The following UBE2E3 variants were observed in gnomAD, a reference collection of about 807,000 sequenced individuals.
UBE2E3 encodes the protein ubiquitin conjugating enzyme E2 E3.
A neutral mutation model predicts 23.6 loss-of-function variants in UBE2E3; 5 were observed. The observed-to-expected ratio is 0.21, with a 90% CI of 0.11 to 0.44. The LOEUF (loss-of-function observed/expected upper bound fraction) is 0.44. Ranked by LOEUF, UBE2E3 falls within the 20% of genes least tolerant of loss-of-function variation. UBE2E3 has a pLI of 0.99. For missense variants in UBE2E3, 81 were observed against 249.8 expected (o/e 0.32, Z 4.55); for synonymous variants, 78 against 87.5 (o/e 0.89, Z 0.60).
At chr2:181,059,785 C>G (rs552438200) in intron 4 of UBE2E3, among the ~76,000 whole-genome samples, 7 of 151,772 alleles carry the variant, frequency 4.6e-5, no homozygotes, top group Admixed American at 3.3e-4. Flanking sequence ...TGTTGGTCCC[C>G]TACCCCCTCC....
intron 3 of UBE2E3, among the ~76,000 whole-genome samples, chr2:180,994,300 G>C (rs1339187038): frequency 6.6e-6 from 1 of 151,956 alleles, no homozygotes; most frequent in East Asian, 1.9e-4. Flanking sequence ...AAGTAAACAG[G>C]CTGGTATGAT....
chr2:181,001,538 T>G (rs916629875), intron 3 of UBE2E3, among the ~76,000 whole-genome samples: 8 of 151,760 alleles, frequency 5.3e-5, no homozygotes, highest in African/African-American at 1.9e-4. Context: ...ACCAGATAAG[T>G]AGGTTTGCTT....
chr2:181,017,619 A>G (rs754655210), intron 3 of UBE2E3, among the ~76,000 whole-genome samples: 2 of 143,280 alleles, frequency 1.4e-5, no homozygotes, highest in African/African-American at 2.6e-5. Context: ...GGATTCATCT[A>G]TGCCTTCCTA....
intron 3 of UBE2E3, among the ~76,000 whole-genome samples, chr2:180,994,313 A>G (rs1313737912): frequency 6.6e-6 from 1 of 152,108 alleles, no homozygotes; most frequent in African/African-American, 2.4e-5. Context: ...GGTATGATGA[A>G]CCCCCATATA....
intron 3 of UBE2E3, chr2:180,987,527 AAT>A (rs1684518357): frequency 9.3e-7 from 1 of 1,071,456 alleles, no homozygotes; most frequent in Middle Eastern, 2.1e-4. Context: ...TGTATTAATA[AAT>A]AGTTTCTTGA....
intron 3 of UBE2E3, among the ~76,000 whole-genome samples, chr2:181,031,372 A>G (rs556088521): frequency 6.6e-6 from 1 of 152,218 alleles, no homozygotes; most frequent in Non-Finnish European, 1.5e-5. Flanking sequence ...TTATTTATAT[A>G]TTGCTGTATA....
chr2:181,044,687 G>A (rs1686618108), intron 3 of UBE2E3, among the ~76,000 whole-genome samples: 3 of 152,074 alleles, frequency 2.0e-5, no homozygotes, highest in Middle Eastern at 3.4e-3. Context: ...TCTTCTTAAT[G>A]CATCTTTTGT....
chr2:181,037,275 T>G (rs35224912), intron 3 of UBE2E3, among the ~76,000 whole-genome samples: 2 of 152,240 alleles, frequency 1.3e-5, no homozygotes, highest in Admixed American at 6.5e-5. Flanking sequence ...CTTTTTATTG[T>G]TATTTTAGAG....
chr2:180,982,796 A>G (rs1393572585), intron 2 of UBE2E3, among the ~76,000 whole-genome samples: 1 of 152,212 alleles, frequency 6.6e-6, no homozygotes, highest in Non-Finnish European at 1.5e-5. Context: ...TTAAATTATG[A>G]TTATCCCTTC....
chr2:181,020,863 T>C (rs562838014), intron 3 of UBE2E3, among the ~76,000 whole-genome samples: 2 of 152,340 alleles, frequency 1.3e-5, no homozygotes, highest in African/African-American at 4.8e-5. Flanking sequence ...TCTAGTGATA[T>C]GGTTGTAGGT....
At chr2:181,048,080 C>T (rs1279299546) in intron 3 of UBE2E3, among the ~76,000 whole-genome samples, 2 of 152,144 alleles carry the variant, frequency 1.3e-5, no homozygotes, top group East Asian at 3.9e-4. Flanking sequence ...CCTTTCCTTT[C>T]AGCTTCTACT....
At chr2:181,016,387 T>G (rs2105616464) in intron 3 of UBE2E3, among the ~76,000 whole-genome samples, 1 of 152,204 alleles carries the variant, frequency 6.6e-6, no homozygotes, top group Non-Finnish European at 1.5e-5. Flanking sequence ...GCTAATACCT[T>G]TTTGTCTTTA....
intron 3 of UBE2E3, among the ~76,000 whole-genome samples, chr2:181,051,562 C>T (rs1043365630): frequency 6.6e-6 from 1 of 151,684 alleles, no homozygotes; most frequent in African/African-American, 2.4e-5. Flanking sequence ...TCTCTCCTAC[C>T]CCCATTACTC....
At chr2:181,045,487 C>CT (rs1686647577) in intron 3 of UBE2E3, among the ~76,000 whole-genome samples, 2 of 152,140 alleles carry the variant, frequency 1.3e-5, no homozygotes, top group African/African-American at 4.8e-5. Context: ...TGTTTTCATT[C>CT]TTTTTTTCCC....
rs146884996 is a variant in UBE2E3, at chr2:181,058,749, C to T, written c.378+924C>T. ...GTGTATATGTATATGTGCACATAAA[C>T]GGATTTATTTTGTGAATAAAAGAGG... On this transcript the variant is annotated intron_variant, in intron 4 of 5. Transcript: ENST00000410062. Among the ~76,000 whole-genome samples, 168 of 151,734 alleles carry T rather than the reference C, an allele frequency of 1.1e-3. 5 individuals carry two copies. In the South Asian group the frequency reaches 0.032, roughly 28 times the overall value.
chr2:181,039,719 T>A (rs914714020), intron 3 of UBE2E3, among the ~76,000 whole-genome samples: 1 of 152,214 alleles, frequency 6.6e-6, no homozygotes, highest in African/African-American at 2.4e-5. Flanking sequence ...AAGACACTGA[T>A]GTCTAGGAGT....
At chr2:181,005,469 TGCAAAGGTG>T (rs1371119108) in intron 3 of UBE2E3, among the ~76,000 whole-genome samples, 3 of 152,122 alleles carry the variant, frequency 2.0e-5, no homozygotes, top group Non-Finnish European at 4.4e-5. Flanking sequence ...TGAGAAGGGG[TGCAAAGGTG>T]AACTGGGTTA....
At chr2:181,033,537 G>C (rs1686158147) in intron 3 of UBE2E3, among the ~76,000 whole-genome samples, 2 of 151,936 alleles carry the variant, frequency 1.3e-5, no homozygotes, top group African/African-American at 4.8e-5. Context: ...ATTCAAGATG[G>C]ATTAAAGACT....
chr2:181,041,234 CAAAAAA>C (rs1206207155), intron 3 of UBE2E3, among the ~76,000 whole-genome samples: 1 of 77,196 alleles, frequency 1.3e-5, no homozygotes, highest in Non-Finnish European at 2.4e-5. Flanking sequence ...GACTCCGTCT[CAAAAAA>C]AAAAAAAAAA....
Sources: allele counts gnomAD v4.1 joint callset (sites outside exome capture counted in the v4.1 genomes callset), GRCh38; gene constraint gnomAD v4.1.1; transcripts MANE v1.5; gene names NCBI Gene and HGNC (gene_info 2026-07-23, HGNC 2026-07-21).